CDH2: variants seen among roughly 807,000 people sequenced by gnomAD.
The protein encoded by CDH2 is cadherin-2.
In CDH2, 17 loss-of-function variants were observed where a neutral mutation model predicts 92.0. The ratio of observed to expected loss-of-function variants is 0.18; its 90% CI spans 0.13 to 0.28. CDH2 has a LOEUF of 0.28. Among genes scored for constraint, CDH2 ranks in the 10% least tolerant of loss-of-function variants. The pLI, the probability that CDH2 is intolerant of heterozygous loss-of-function variation, is 1.00. For synonymous variants in CDH2, 419 were observed against 415.9 expected, an observed-to-expected ratio of 1.01 and a Z score of -0.09; for missense variants, 862 against 1,133.1, an observed-to-expected ratio of 0.76 and a Z score of 3.44.
intron 15 of CDH2, among the ~76,000 whole-genome samples, chr18:27,955,786 G>T (rs1280428235): frequency 1.5e-5 from 1 of 66,808 alleles, no homozygotes; most frequent in Non-Finnish European, 3.1e-5. Flanking sequence ...TTTTTAAAGA[G>T]GTTAAGGCCA....
chr18:28,176,219 G>A (rs1045968393), intron 1 of CDH2, among the ~76,000 whole-genome samples: 4 of 152,196 alleles, frequency 2.6e-5, no homozygotes, highest in African/African-American at 9.6e-5. Context: ...TAGGGCACAG[G>A]CAGCCGGACA....
chr18:28,130,636 C>A (rs183491300), intron 2 of CDH2, among the ~76,000 whole-genome samples: 2 of 152,170 alleles, frequency 1.3e-5, no homozygotes, highest in Non-Finnish European at 1.5e-5. Flanking sequence ...TCCAGATGTG[C>A]GCATGGCTGC....
At chr18:28,097,777 G>A (rs2144226093) in intron 2 of CDH2, among the ~76,000 whole-genome samples, 1 of 152,228 alleles carries the variant, frequency 6.6e-6, no homozygotes, top group East Asian at 1.9e-4. Flanking sequence ...TCTGTACTAT[G>A]CATTGCTACT....
At chr18:28,107,857 C>T (rs930783421) in intron 2 of CDH2, among the ~76,000 whole-genome samples, 3 of 152,006 alleles carry the variant, frequency 2.0e-5, no homozygotes, top group African/African-American at 4.8e-5. Flanking sequence ...TGTAGTCTAG[C>T]GGAAAAGAAA....
At chr18:28,122,831 G>A (rs549965452) in intron 2 of CDH2, among the ~76,000 whole-genome samples, 1 of 152,134 alleles carries the variant, frequency 6.6e-6, no homozygotes, top group Non-Finnish European at 1.5e-5. Flanking sequence ...AAAACACTTA[G>A]TAACTAAAAG....
downstream of CDH2, among the ~76,000 whole-genome samples, chr18:27,947,676 A>C (rs143433165): frequency 3.7e-3 from 559 of 149,390 alleles, 5 homozygotes; most frequent in African/African-American, 0.014. Context: ...TGATATAAGT[A>C]TATGTGATAT....
intron 6 of CDH2, among the ~76,000 whole-genome samples, chr18:27,940,520 T>C (rs1909110831): frequency 6.6e-6 from 1 of 152,210 alleles, no homozygotes; most frequent in Non-Finnish European, 1.5e-5. Flanking sequence ...TTGGAGCTTT[T>C]TCTTGTGCTT....
At chr18:28,070,704 T>C (rs1425823057) in intron 2 of CDH2, among the ~76,000 whole-genome samples, 1 of 152,164 alleles carries the variant, frequency 6.6e-6, no homozygotes, top group African/African-American at 2.4e-5. Context: ...ACAGAGCTCA[T>C]GGTGTAACTG....
chr18:28,076,315 C>A (rs949069888), intron 2 of CDH2, among the ~76,000 whole-genome samples: 3 of 152,070 alleles, frequency 2.0e-5, no homozygotes, highest in Admixed American at 2.0e-4. Context: ...GTTTTCTTAT[C>A]CCGGCCTTAC....
intron 2 of CDH2, among the ~76,000 whole-genome samples, chr18:28,137,830 G>A (rs1406865703): frequency 6.6e-6 from 1 of 152,068 alleles, no homozygotes; most frequent in East Asian, 1.9e-4. Flanking sequence ...ATCTAAAGCA[G>A]TCATAACTGG....
At chr18:28,066,694 G>GT (rs1395627419) in intron 2 of CDH2, among the ~76,000 whole-genome samples, 1 of 151,644 alleles carries the variant, frequency 6.6e-6, no homozygotes. Flanking sequence ...TGTACAAAGG[G>GT]TAAGTTTTAC....
chr18:28,051,860 G>C (rs2014198311), intron 2 of CDH2, among the ~76,000 whole-genome samples: 1 of 152,136 alleles, frequency 6.6e-6, no homozygotes, highest in Non-Finnish European at 1.5e-5. Context: ...TACTGGGAAT[G>C]ATTGCAAAAT....
chr18:28,156,040 GT>G (rs45591038), intron 1 of CDH2, among the ~76,000 whole-genome samples: 6,365 of 152,210 alleles, frequency 0.042, 176 homozygotes, highest in Non-Finnish European at 0.063. Context: ...TCTTGCATGG[GT>G]TTTTTAACTC....
chr18:27,950,380 T>G (rs1455395767), downstream of CDH2, among the ~76,000 whole-genome samples: 1 of 152,118 alleles, frequency 6.6e-6, no homozygotes, highest in Admixed American at 6.6e-5. Context: ...ACATAAACAA[T>G]TTTACAAAAT....
At chr18:28,043,146 CA>C (rs1414041168) in intron 2 of CDH2, among the ~76,000 whole-genome samples, 1 of 152,012 alleles carries the variant, frequency 6.6e-6, no homozygotes, top group Non-Finnish European at 1.5e-5. Context: ...ATGGCCTTTG[CA>C]GCAACTTGGA....
intron 1 of CDH2, among the ~76,000 whole-genome samples, chr18:28,154,227 T>C (rs914326504): frequency 1.2e-4 from 18 of 152,364 alleles, no homozygotes; most frequent in Admixed American, 2.6e-4. Flanking sequence ...ACCTTCTTGA[T>C]TTTGAATTTC....
rs565670498 is a variant in CDH2, at chr18:28,152,406, G to A, written c.61-4622C>T. ...GCCCTTAAGGAGCTCAAGATTTAAT[G>A]TGGGAGGTTAAGATATGCAGAGGAT... is the stretch of plus-strand genomic sequence containing the variant. On this transcript the variant is annotated intron_variant, in intron 1 of 15. Transcript: ENST00000269141. Among the ~76,000 whole-genome samples, 23 of 152,308 alleles carry A rather than the reference G, an allele frequency of 1.5e-4. 1 individual carries two copies. In the East Asian group the frequency reaches 2.9e-3, roughly 19 times the overall value.
At chr18:28,019,108 G>A (rs2013336024) in intron 2 of CDH2, among the ~76,000 whole-genome samples, 1 of 151,856 alleles carries the variant, frequency 6.6e-6, no homozygotes, top group Non-Finnish European at 1.5e-5. Context: ...GAATGCAAAG[G>A]TGTAAATGAT....
chr18:28,158,926 C>G (rs926026134), intron 1 of CDH2, among the ~76,000 whole-genome samples: 1 of 152,146 alleles, frequency 6.6e-6, no homozygotes, highest in East Asian at 1.9e-4. Flanking sequence ...ATTTTTCATA[C>G]AAATTGTTAT....
Sources: gnomAD v4.1 joint callset for allele counts (sites outside exome capture counted in the v4.1 genomes callset) on GRCh38, gnomAD v4.1.1 for gene constraint, MANE v1.5 for transcripts, NCBI Gene and HGNC (gene_info 2026-07-23, HGNC 2026-07-21) for gene names.